SLC17A1: variants seen among roughly 807,000 people sequenced by gnomAD.
SLC17A1 encodes the protein solute carrier family 17 member 1.
In SLC17A1, 51 loss-of-function variants were observed where a neutral mutation model predicts 53.5. The observed-to-expected ratio is 0.95, with a 90% CI of 0.76 to 1.20. The LOEUF (loss-of-function observed/expected upper bound fraction) is 1.20, where lower values mean the gene tolerates loss of function less well. Ranked by LOEUF, SLC17A1 falls within the 50% of genes most tolerant of loss-of-function variation. The probability of loss-of-function intolerance (pLI) is 0.00; values close to 1 mark genes in which losing one functional copy is unlikely to be tolerated. For synonymous variants in SLC17A1, 179 were observed against 198.8 expected (o/e 0.90, Z 0.84); for missense variants, 538 against 568.2 (o/e 0.95, Z 0.54).
At chr6:25,800,757 A>C (rs1366484001) in intron 11 of SLC17A1, 133 bp downstream of exon 11, 1 of 608,264 alleles carries the variant, frequency 1.6e-6, no homozygotes. Flanking sequence ...GATTTGACCA[A>C]ATTTATTTTC....
the SLC17A1 span, among the ~76,000 whole-genome samples, chr6:25,743,040 G>C: frequency 6.6e-6 from 1 of 152,158 alleles, no homozygotes; most frequent in East Asian, 1.9e-4. Context: ...GTTGAGTAAT[G>C]TCTAGAACAG....
chr6:25,811,117 A>G (rs775126184), intron 10 of SLC17A1, among the ~76,000 whole-genome samples: 3 of 152,158 alleles, frequency 2.0e-5, no homozygotes, highest in Non-Finnish European at 4.4e-5. Context: ...AAAAGATACC[A>G]AATTTTATTT....
the SLC17A1 span, among the ~76,000 whole-genome samples, chr6:25,748,250 G>A: frequency 3.3e-5 from 5 of 152,040 alleles, no homozygotes; most frequent in African/African-American, 9.7e-5. Context: ...CCATGGCAGG[G>A]TTAGCTGAGG....
At chr6:25,828,128 A>T (rs1320252569) in intron 2 of SLC17A1, among the ~76,000 whole-genome samples, 1 of 152,226 alleles carries the variant, frequency 6.6e-6, no homozygotes, top group Non-Finnish European at 1.5e-5. Flanking sequence ...CAGGTGTAGG[A>T]TAAAGCTATA....
downstream of SLC17A1, chr6:25,780,125 T>C (rs1184857816): frequency 6.6e-6 from 1 of 152,196 alleles, no homozygotes; most frequent in Non-Finnish European, 1.5e-5. Flanking sequence ...GAGAAATGTG[T>C]GTAGTGCTTT....
the SLC17A1 span, among the ~76,000 whole-genome samples, chr6:25,740,100 A>G: frequency 5.3e-5 from 8 of 152,234 alleles, no homozygotes; most frequent in Non-Finnish European, 1.2e-4. Context: ...CCTTTTAGCT[A>G]TGAGGCAACA....
intron 12 of SLC17A1, among the ~76,000 whole-genome samples, chr6:25,794,782 G>A (rs532086553): frequency 6.6e-6 from 1 of 152,274 alleles, no homozygotes; most frequent in African/African-American, 2.4e-5. Context: ...AGGAGGCAGG[G>A]CATCTGGGAA....
downstream of SLC17A1, chr6:25,779,085 T>G: frequency 6.2e-7 from 1 of 1,613,880 alleles, no homozygotes; most frequent in Non-Finnish European, 8.5e-7. Context: ...AATGTCTTCT[T>G]GCTTTCAGCT....
At chr6:25,755,842 C>T in the SLC17A1 span, among the ~76,000 whole-genome samples, 3 of 152,184 alleles carry the variant, frequency 2.0e-5, no homozygotes, top group Non-Finnish European at 4.4e-5. Flanking sequence ...CTGCTCATTT[C>T]GCCAACTTCT....
At chr6:25,735,669 G>A in the SLC17A1 span, among the ~76,000 whole-genome samples, 1 of 152,004 alleles carries the variant, frequency 6.6e-6, no homozygotes, top group Admixed American at 6.6e-5. Context: ...TAAAACAAAA[G>A]TTTTCAAAAA....
chr6:25,789,408 T>A (rs1445370071), intron 12 of SLC17A1, among the ~76,000 whole-genome samples: 1 of 151,488 alleles, frequency 6.6e-6, no homozygotes, highest in Non-Finnish European at 1.5e-5. Context: ...TTTACATAGT[T>A]CCAAAGTATG....
At position 25,819,872 on chromosome 6, in the gene SLC17A1, A is replaced by ATCATCCAATT; in HGVS notation, c.250_251insAATTGGATGA (p.Leu84Ter). 1 of 1,613,784 alleles carries ATCATCCAATT rather than the reference A, an allele frequency of 6.2e-7. No homozygotes were observed. Among genetic ancestry groups the ATCATCCAATT allele is most frequent in the Non-Finnish European group, 8.5e-7 (1 of 1,179,826 alleles). ...GATGACACCATAGGAGGTGGAACTCAAGATGATTCCCTGGATATCTGGGCT... is the reference window on the plus strand; with the variant it reads ...GATGACACCATAGGAGGTGGAACTCATCATCCAATTAGATGATTCCCTGGATATCTGGGCT... On this transcript the variant is annotated stop_gained and frameshift_variant, in exon 4 of 13. Coordinates refer to ENST00000244527, the MANE Select transcript of SLC17A1 (RefSeq NM_005074.5). LOFTEE classifies it high-confidence loss of function.
At chr6:25,733,806 A>ATGTGTGTG in the SLC17A1 span, among the ~76,000 whole-genome samples, 13 of 133,988 alleles carry the variant, frequency 9.7e-5, no homozygotes, top group African/African-American at 2.5e-4. Context: ...GTGTGTGTGT[A>ATGTGTGTG]TGTGTGTGTG....
chr6:25,725,018 A>AGTTTTT, the SLC17A1 span, among the ~76,000 whole-genome samples: 17 of 142,066 alleles, frequency 1.2e-4, 2 homozygotes, highest in East Asian at 2.0e-4. Flanking sequence ...TAACCAAATG[A>AGTTTTT]TTTTTTTTTT....
In SLC17A1 at chr6:25,817,734, C is replaced by T. The variant is rs866858847; in HGVS notation, c.616+1334G>A. On this transcript the variant is annotated intron_variant, in intron 6 of 12. Coordinates refer to ENST00000244527, the MANE Select transcript of SLC17A1 (RefSeq NM_005074.5). ...CCTCACCCCTGCTCCCCTGCTCCGCCGTAATTTCTGTATATTTGGGTTAGT... is the reference window on the plus strand; with the variant it reads ...CCTCACCCCTGCTCCCCTGCTCCGCTGTAATTTCTGTATATTTGGGTTAGT... Among the ~76,000 whole-genome samples, 26 of 152,270 alleles carry T rather than the reference C, an allele frequency of 1.7e-4. 1 individual carries two copies. The Middle Eastern group carries it at 0.017, about 100-fold the overall frequency.
At chr6:25,736,177 TC>T in the SLC17A1 span, among the ~76,000 whole-genome samples, 1 of 152,134 alleles carries the variant, frequency 6.6e-6, no homozygotes, top group East Asian at 1.9e-4. Flanking sequence ...AGGACTTCAG[TC>T]CCAGCAGCTT....
chr6:25,764,713 GC>G, the SLC17A1 span, among the ~76,000 whole-genome samples: 216 of 152,296 alleles, frequency 1.4e-3, no homozygotes, highest in African/African-American at 4.5e-3. Context: ...GACCCCATGA[GC>G]CCCTCAAGGG....
At chr6:25,815,185 AAG>A (rs1333720244) in intron 6 of SLC17A1, among the ~76,000 whole-genome samples, 6 of 151,434 alleles carry the variant, frequency 4.0e-5, no homozygotes, top group Non-Finnish European at 7.4e-5. Flanking sequence ...AAAAAGAAAA[AAG>A]AGAAAGAAAG....
At chr6:25,732,059 T>C in the SLC17A1 span, 1 of 1,258,662 alleles carries the variant, frequency 7.9e-7, no homozygotes, top group Non-Finnish European at 1.1e-6. Flanking sequence ...AATAGCTCTC[T>C]TTGCGGCATC....
Sources: gnomAD v4.1 joint callset for allele counts (sites outside exome capture counted in the v4.1 genomes callset) on GRCh38, gnomAD v4.1.1 for gene constraint, MANE v1.5 for transcripts, NCBI Gene and HGNC (gene_info 2026-07-23, HGNC 2026-07-21) for gene names.